ACYP2: variants seen among roughly 807,000 people sequenced by gnomAD.
ACYP2 encodes the protein acylphosphatase 2.
Under a neutral mutation model 11.2 loss-of-function variants are expected in ACYP2, and 12 were observed. The observed-to-expected ratio is 1.08, with a 90% confidence interval of 0.69 to 1.74. ACYP2 has a LOEUF of 1.74. Among genes scored for constraint, ACYP2 ranks in the 40% most tolerant of loss-of-function variants. ACYP2 has a pLI of 0.00. For synonymous variants in ACYP2, 43 were observed against 32.2 expected, an observed-to-expected ratio of 1.33 and a Z score of -1.13; for missense variants, 134 against 101.9, an observed-to-expected ratio of 1.31 and a Z score of -1.35.
Position 54,035,338 on chromosome 2 carries a change from G to A in ACYP2, c.63-15620G>A, listed in dbSNP as rs866128462. 2.0e-5 allele frequency among the ~76,000 whole-genome samples: 3 copies of A among 147,374 alleles called. No individual in the cohort carries two copies. In the Admixed American group the frequency reaches 2.1e-4, roughly 10 times the overall value. On this transcript the variant is annotated intron_variant, in intron 2 of 6. Transcript: ENST00000607452. ...TGGAGGGCAGTGGTGCGATCTCGGC[G>A]CACTGCAAGCTCCGCCTCCCGGGTT...
intron 5 of ACYP2, 97 bp from the exon 3 acceptor site, chr2:54,138,542 T>C: frequency 1.1e-6 from 1 of 886,472 alleles, no homozygotes; most frequent in South Asian, 1.8e-5. Context: ...CAAAAAATGA[T>C]TATTAGGTTA....
intron 2 of ACYP2, among the ~76,000 whole-genome samples, chr2:54,023,317 A>G (rs1366775868): frequency 6.6e-6 from 1 of 152,118 alleles, no homozygotes; most frequent in South Asian, 2.1e-4. Context: ...CTTTATAAGA[A>G]ATGTCACACT....
At chr2:53,975,783 G>T (rs1183872348) in intron 2 of ACYP2, among the ~76,000 whole-genome samples, 1 of 152,146 alleles carries the variant, frequency 6.6e-6, no homozygotes, top group East Asian at 1.9e-4. Flanking sequence ...AGTGAGCCAA[G>T]ATCGCGCCAC....
At chr2:54,142,016 T>TG (rs1456093477) in intron 6 of ACYP2, 68 of 421,036 alleles carry the variant, frequency 1.6e-4, no homozygotes, top group Admixed American at 2.4e-4. Context: ...TGTGTGTATA[T>TG]TTTGTTGTTG....
intron 6 of ACYP2, among the ~76,000 whole-genome samples, chr2:54,201,658 C>CTTTT (rs1171395398): frequency 1.3e-5 from 1 of 79,072 alleles, no homozygotes; most frequent in Admixed American, 1.2e-4. Context: ...TTCTTTCTTT[C>CTTTT]TTTCTTTCTT....
rs184765539 is a variant in ACYP2 at position 54,235,908 on chromosome 2, T to C, written c.405-68780T>C. ...GACGTTTCCTCTTTTATTTCTGATA[T>C]TGGTTATTTAAGCTTGCTTTCTGTA... is the stretch of plus-strand genomic sequence containing the variant. On this transcript the variant is annotated intron_variant, in intron 6 of 6. Transcript: ENST00000607452. 4.2e-4 allele frequency among the ~76,000 whole-genome samples: 64 copies of C among 152,298 alleles called. 1 individual carries two copies. The East Asian group carries it at 0.012, about 28-fold the overall frequency.
At chr2:54,037,451 C>G (rs1674965159) in intron 2 of ACYP2, among the ~76,000 whole-genome samples, 1 of 152,120 alleles carries the variant, frequency 6.6e-6, no homozygotes, top group Non-Finnish European at 1.5e-5. Context: ...TGCTCTGTCA[C>G]CCAGGCTGAG....
Position 54,003,800 on chromosome 2 carries a change from TAA to T in ACYP2, c.62+29995_62+29996del, listed in dbSNP as rs1285662641. 3.9e-5 allele frequency among the ~76,000 whole-genome samples: 6 copies of T among 152,322 alleles called. No individual in the cohort carries two copies. In the South Asian group the frequency reaches 6.2e-4, roughly 16 times the overall value. On this transcript the variant is annotated intron_variant, in intron 2 of 6. Transcript: ENST00000607452. ...TATGGTAAGAGTATGTATAGTTTTATAAAAAACTGTCAAACCATCTTCCAAAG... is the reference window on the plus strand; with the variant it reads ...TATGGTAAGAGTATGTATAGTTTTATAAAACTGTCAAACCATCTTCCAAAG...
chr2:54,189,779 T>TC (rs1389955599), intron 6 of ACYP2, among the ~76,000 whole-genome samples: 1 of 152,134 alleles, frequency 6.6e-6, no homozygotes, highest in Non-Finnish European at 1.5e-5. Flanking sequence ...TTTAGAAGCC[T>TC]CCCTACTGTT....
intron 6 of ACYP2, among the ~76,000 whole-genome samples, chr2:54,208,918 T>G (rs968139596): frequency 2.6e-5 from 4 of 152,152 alleles, no homozygotes; most frequent in Non-Finnish European, 4.4e-5. Flanking sequence ...GAAAGTTTAT[T>G]GGATTTTACT....
intron 6 of ACYP2, among the ~76,000 whole-genome samples, chr2:54,208,286 TCA>T (rs1685167097): frequency 6.6e-6 from 1 of 152,182 alleles, no homozygotes; most frequent in Admixed American, 6.5e-5. Flanking sequence ...CTCTGATTTC[TCA>T]GTTTGATCCT....
intron 6 of ACYP2, chr2:54,267,217 G>A (rs1688074730): frequency 4.1e-6 from 6 of 1,476,164 alleles, no homozygotes; most frequent in Non-Finnish European, 5.4e-6. Context: ...GCCTATAAAA[G>A]TGCCTGGCAC....
chr2:54,096,226 T>A (rs1678565007), intron 4 of ACYP2, among the ~76,000 whole-genome samples: 1 of 147,618 alleles, frequency 6.8e-6, no homozygotes, highest in South Asian at 2.2e-4. Context: ...GCTCCTCACC[T>A]CCCAGACGGG....
intron 4 of ACYP2, among the ~76,000 whole-genome samples, chr2:54,098,199 C>T (rs1391138853): frequency 3.9e-5 from 6 of 152,020 alleles, no homozygotes; most frequent in Non-Finnish European, 8.8e-5. Flanking sequence ...GAGCTCCTGA[C>T]CTTAGGAGAT....
At chr2:54,085,789 G>A (rs577054860) in intron 4 of ACYP2, among the ~76,000 whole-genome samples, 1 of 152,272 alleles carries the variant, frequency 6.6e-6, no homozygotes, top group South Asian at 2.1e-4. Context: ...TGATCTCAGT[G>A]AAGAATATAT....
chr2:54,051,188 A>C (rs1675848588), intron 3 of ACYP2: 1 of 729,130 alleles, frequency 1.4e-6, no homozygotes. Flanking sequence ...ACTCTGCCTC[A>C]CTGAGGAAAA....
chr2:54,254,697 G>A, intron 6 of ACYP2: 1 of 543,310 alleles, frequency 1.8e-6, no homozygotes, highest in South Asian at 2.7e-5. Flanking sequence ...TCGGCTGGGA[G>A]CATGTGATGT....
At chr2:54,074,974 G>C (rs1677252789) in intron 4 of ACYP2, among the ~76,000 whole-genome samples, 1 of 152,126 alleles carries the variant, frequency 6.6e-6, no homozygotes, top group Admixed American at 6.5e-5. Flanking sequence ...TCATGTATCT[G>C]GGCACTGCGG....
intron 2 of ACYP2, among the ~76,000 whole-genome samples, chr2:54,039,744 G>A (rs1029071402): frequency 2.0e-5 from 3 of 151,944 alleles, no homozygotes; most frequent in African/African-American, 4.8e-5. Context: ...GGGTTTTTGA[G>A]CAGAAGAGTG....
Sources: allele counts gnomAD v4.1 joint callset (sites outside exome capture counted in the v4.1 genomes callset), GRCh38; gene constraint gnomAD v4.1.1; transcripts MANE v1.5; gene names NCBI Gene and HGNC (gene_info 2026-07-23, HGNC 2026-07-21).